Variants in ROBO2 observed in about 807,000 individuals in gnomAD.
ROBO2 encodes the protein roundabout homolog 2.
A neutral mutation model predicts 160.8 loss-of-function variants in ROBO2; 53 were observed. That is an observed-to-expected ratio of 0.33 (90% CI 0.26 to 0.41). The LOEUF is 0.41. Ranked by LOEUF, ROBO2 falls within the 10% of genes least tolerant of loss-of-function variation. The probability of loss-of-function intolerance (pLI) is 1.00; values close to 1 mark genes in which losing one functional copy is unlikely to be tolerated. For missense variants in ROBO2, 1,577 were observed against 1,722.4 expected (o/e 0.92, Z 1.49); for synonymous variants, 664 against 611.7 (o/e 1.09, Z -1.26).
At chr3:76,442,814 A>G (rs2076986503) in intron 2 of ROBO2, among the ~76,000 whole-genome samples, 1 of 152,120 alleles carries the variant, frequency 6.6e-6, no homozygotes, top group Admixed American at 6.6e-5. Flanking sequence ...TTTGCGTTCA[A>G]GTAACCCTTT....
chr3:76,956,098 A>G (rs1186915597), intron 2 of ROBO2, among the ~76,000 whole-genome samples: 1 of 152,196 alleles, frequency 6.6e-6, no homozygotes, highest in African/African-American at 2.4e-5. Context: ...AATGTTCAGT[A>G]ACAGTGGTAA....
intron 2 of ROBO2, among the ~76,000 whole-genome samples, chr3:75,961,762 G>A (rs1948921162): frequency 6.6e-6 from 1 of 151,470 alleles, no homozygotes; most frequent in African/African-American, 2.4e-5. Flanking sequence ...TTAAAATATT[G>A]AGAAAGATTG....
At chr3:76,148,758 T>C (rs2072023425) in intron 2 of ROBO2, among the ~76,000 whole-genome samples, 5 of 152,230 alleles carry the variant, frequency 3.3e-5, no homozygotes, top group Admixed American at 3.3e-4. Flanking sequence ...TTCATTTTCT[T>C]TCCTGTCCTC....
chr3:77,451,976 GT>G (rs2081164533), intron 2 of ROBO2, among the ~76,000 whole-genome samples: 1 of 151,790 alleles, frequency 6.6e-6, no homozygotes, highest in South Asian at 2.1e-4. Context: ...GTGTCCAAGT[GT>G]TTTCATTGTT....
intron 2 of ROBO2, among the ~76,000 whole-genome samples, chr3:76,558,758 T>C (rs2083971052): frequency 6.6e-6 from 1 of 152,072 alleles, no homozygotes; most frequent in African/African-American, 2.4e-5. Context: ...ACTTGAAACA[T>C]TGAACAATCG....
intron 2 of ROBO2, among the ~76,000 whole-genome samples, chr3:76,411,087 C>A (rs531576924): frequency 9.2e-5 from 14 of 151,892 alleles, no homozygotes; most frequent in Admixed American, 7.9e-4. Flanking sequence ...TGTGTTGAGT[C>A]ATTTTTTTGG....
At chr3:76,553,009 G>C (rs2083503878) in intron 2 of ROBO2, among the ~76,000 whole-genome samples, 1 of 152,196 alleles carries the variant, frequency 6.6e-6, no homozygotes, top group Non-Finnish European at 1.5e-5. Context: ...AGCAAGTTTG[G>C]TGAATGGATG....
At chr3:76,300,769 A>G (rs1709315997) in intron 2 of ROBO2, among the ~76,000 whole-genome samples, 1 of 152,112 alleles carries the variant, frequency 6.6e-6, no homozygotes, top group Non-Finnish European at 1.5e-5. Flanking sequence ...TGGAAGTTTC[A>G]GAGGCTAATG....
intron 2 of ROBO2, among the ~76,000 whole-genome samples, chr3:77,142,737 G>T (rs894347548): frequency 6.6e-6 from 1 of 151,862 alleles, no homozygotes; most frequent in African/African-American, 2.4e-5. Flanking sequence ...TCTTTAAAGG[G>T]AGCCCTCTAG....
intron 2 of ROBO2, among the ~76,000 whole-genome samples, chr3:76,362,935 C>G (rs1029800450): frequency 6.6e-6 from 1 of 151,976 alleles, no homozygotes; most frequent in Admixed American, 6.6e-5. Context: ...CTTCTGGGAG[C>G]TAGTCTTGGG....
chr3:76,651,378 C>T (rs1056061365), intron 2 of ROBO2, among the ~76,000 whole-genome samples: 1 of 152,126 alleles, frequency 6.6e-6, no homozygotes, highest in Admixed American at 6.5e-5. Context: ...CTCATGCCCT[C>T]CTCCTAGGAT....
intron 2 of ROBO2, among the ~76,000 whole-genome samples, chr3:76,031,559 G>A (rs9756419): frequency 0.21 from 31,756 of 151,910 alleles, 3,958 homozygotes; most frequent in African/African-American, 0.36. Flanking sequence ...TTTATTAAGA[G>A]TTTTTAGCAT....
At chr3:77,438,174 CTAGATAGA>C (rs1007756532) in intron 2 of ROBO2, among the ~76,000 whole-genome samples, 1 of 151,000 alleles carries the variant, frequency 6.6e-6, no homozygotes, top group Non-Finnish European at 1.5e-5. Flanking sequence ...CTCTCGGCCT[CTAGATAGA>C]TAGATAGGTA....
At chr3:76,023,623 A>T (rs1246615882) in intron 2 of ROBO2, among the ~76,000 whole-genome samples, 1 of 151,616 alleles carries the variant, frequency 6.6e-6, no homozygotes, top group African/African-American at 2.4e-5. Context: ...TACAATAGTG[A>T]CATAAAAGAT....
At chr3:76,283,036 A>G (rs1159423422) in intron 2 of ROBO2, among the ~76,000 whole-genome samples, 7 of 144,782 alleles carry the variant, frequency 4.8e-5, no homozygotes. Flanking sequence ...TTAAGAAAAA[A>G]AAATCTGAGC....
intron 2 of ROBO2, among the ~76,000 whole-genome samples, chr3:76,235,167 G>A (rs1282614108): frequency 6.6e-6 from 1 of 152,086 alleles, no homozygotes; most frequent in Non-Finnish European, 1.5e-5. Context: ...TGGCATTGAG[G>A]TGCTTACATA....
At chr3:76,367,747 T>A (rs953406259) in intron 2 of ROBO2, among the ~76,000 whole-genome samples, 3 of 152,012 alleles carry the variant, frequency 2.0e-5, no homozygotes, top group African/African-American at 7.2e-5. Flanking sequence ...ATTTTCTTTT[T>A]CAAAATGAGT....
chr3:76,620,326 G>C (rs889486160), intron 2 of ROBO2, among the ~76,000 whole-genome samples: 4 of 152,240 alleles, frequency 2.6e-5, no homozygotes, highest in Non-Finnish European at 5.9e-5. Context: ...ACAGTTCTCA[G>C]ATGAAGATTA....
At chr3:75,963,617 C>T (rs1382815589) in intron 2 of ROBO2, among the ~76,000 whole-genome samples, 3 of 151,770 alleles carry the variant, frequency 2.0e-5, no homozygotes, top group Non-Finnish European at 4.4e-5. Context: ...ATGTCCTTTA[C>T]CAATTATGTT....
Sources: allele counts gnomAD v4.1 joint callset (sites outside exome capture counted in the v4.1 genomes callset), GRCh38; gene constraint gnomAD v4.1.1; transcripts MANE v1.5; gene names NCBI Gene and HGNC (gene_info 2026-07-23, HGNC 2026-07-21).